Variants in CRPPA observed in about 807,000 individuals in gnomAD.
CRPPA encodes D-ribitol-5-phosphate cytidylyltransferase.
In CRPPA, 43 loss-of-function variants were observed where a neutral mutation model predicts 52.0. The observed-to-expected ratio is 0.83, with a 90% confidence interval of 0.65 to 1.07. CRPPA has a LOEUF of 1.07. Ranked by LOEUF, CRPPA falls within the 50% of genes least tolerant of loss-of-function variation. The pLI is 0.00. For missense variants in CRPPA, 629 were observed against 551.7 expected (o/e 1.14, Z -1.40); for synonymous variants, 250 against 203.5 (o/e 1.23, Z -1.94).
intron 3 of CRPPA, among the ~76,000 whole-genome samples, chr7:16,314,179 T>C (rs1322320187): frequency 6.6e-6 from 1 of 150,464 alleles, no homozygotes; most frequent in Non-Finnish European, 1.5e-5. Flanking sequence ...ATAAGGATGG[T>C]CTGTTGTTAG....
chr7:16,254,480 T>C (rs933631433), intron 8 of CRPPA, among the ~76,000 whole-genome samples: 1 of 151,842 alleles, frequency 6.6e-6, no homozygotes, highest in Non-Finnish European at 1.5e-5. Flanking sequence ...GAGCAAACTA[T>C]TGCAAGGACA....
chr7:16,308,098 TC>T (rs1305655493), intron 4 of CRPPA, among the ~76,000 whole-genome samples: 9 of 152,014 alleles, frequency 5.9e-5, no homozygotes, highest in African/African-American at 1.9e-4. Context: ...GTCTCACTCC[TC>T]CTTTGCTTTC....
intron 3 of CRPPA, among the ~76,000 whole-genome samples, chr7:16,314,850 C>A (rs1785110314): frequency 6.6e-6 from 1 of 151,928 alleles, no homozygotes; most frequent in Admixed American, 6.6e-5. Context: ...GTATAATATG[C>A]TTAGGTGTAG....
chr7:16,235,131 T>C (rs562554143), intron 8 of CRPPA, among the ~76,000 whole-genome samples: 1 of 152,048 alleles, frequency 6.6e-6, no homozygotes, highest in Non-Finnish European at 1.5e-5. Context: ...TTGGTAAATT[T>C]ATACTAGCAA....
chr7:16,106,751 A>T (rs1782160565), intron 9 of CRPPA, among the ~76,000 whole-genome samples: 1 of 152,208 alleles, frequency 6.6e-6, no homozygotes, highest in Non-Finnish European at 1.5e-5. Context: ...GGGAATCGTG[A>T]CACCTCTAAA....
chr7:16,354,165 C>T (rs904366843), intron 3 of CRPPA, among the ~76,000 whole-genome samples: 2 of 152,014 alleles, frequency 1.3e-5, no homozygotes, highest in Admixed American at 1.3e-4. Context: ...TTGATTGTGA[C>T]AATATTCTCT....
Position 16,390,355 on chromosome 7 carries a change from G to T in CRPPA, c.535-14114C>A, listed in dbSNP as rs573266939. 7.9e-5 allele frequency among the ~76,000 whole-genome samples: 12 copies of T among 152,082 alleles called. No homozygotes were observed. In the South Asian group the frequency reaches 1.0e-3, roughly 13 times the overall value. On this transcript the variant is annotated intron_variant, in intron 2 of 9. Transcript: ENST00000407010. ...GCCCAACTCTGAATTATCTGTATAA[G>T]AGCACATCTCCAATTTCTGTCTTCC...
At chr7:16,171,708 G>A (rs1358455978) in intron 9 of CRPPA, among the ~76,000 whole-genome samples, 1 of 152,192 alleles carries the variant, frequency 6.6e-6, no homozygotes, top group African/African-American at 2.4e-5. Flanking sequence ...CAGGAGAACT[G>A]CGTGAACCCA....
intron 9 of CRPPA, among the ~76,000 whole-genome samples, chr7:16,178,491 G>A (rs1442030172): frequency 6.6e-6 from 1 of 152,038 alleles, no homozygotes; most frequent in African/African-American, 2.4e-5. Context: ...GAAATGGTGG[G>A]ATAAACCATG....
At chr7:16,416,295 G>A (rs1191599638) in intron 1 of CRPPA, among the ~76,000 whole-genome samples, 4 of 152,066 alleles carry the variant, frequency 2.6e-5, no homozygotes, top group African/African-American at 4.8e-5. Flanking sequence ...ATAAATGTTG[G>A]TAGGATAGCT....
intron 4 of CRPPA, among the ~76,000 whole-genome samples, chr7:16,302,667 A>G (rs1319584612): frequency 6.6e-6 from 1 of 152,166 alleles, no homozygotes; most frequent in African/African-American, 2.4e-5. Flanking sequence ...CAATCAAATA[A>G]AAGAGAGAAA....
chr7:16,237,034 T>G lies in CRPPA; in HGVS notation c.1120-20837A>C, dbSNP rs576704936. On this transcript the variant is annotated intron_variant, in intron 8 of 9. Transcript: ENST00000407010. ...TTTGCCAAAAAATCTGGGATCTTCA[T>G]CTGCCTATTCAACCTTAAAAAACAA... Among the ~76,000 whole-genome samples the G allele has an allele frequency of 5.3e-5, 8 of 152,234 alleles. No individual in the cohort carries two copies. The East Asian group carries it at 1.5e-3, about 29-fold the overall frequency.
At chr7:16,239,819 C>T (rs1454641551) in intron 8 of CRPPA, among the ~76,000 whole-genome samples, 1 of 152,076 alleles carries the variant, frequency 6.6e-6, no homozygotes, top group East Asian at 1.9e-4. Flanking sequence ...GACAAAACTA[C>T]TTAAAATAGG....
intron 1 of CRPPA, among the ~76,000 whole-genome samples, chr7:16,418,644 G>A (rs1562695181): frequency 6.6e-6 from 1 of 152,124 alleles, no homozygotes; most frequent in Admixed American, 6.5e-5. Context: ...AAAACTACCA[G>A]ATCTCATGAG....
chr7:16,312,596 C>A (rs959898851), intron 3 of CRPPA, among the ~76,000 whole-genome samples: 3 of 151,932 alleles, frequency 2.0e-5, no homozygotes, highest in African/African-American at 7.2e-5. Context: ...ATTTCCTTCT[C>A]TTATTAGCTG....
At chr7:16,206,056 T>C (rs1781965522) in intron 9 of CRPPA, among the ~76,000 whole-genome samples, 2 of 152,104 alleles carry the variant, frequency 1.3e-5, no homozygotes, top group South Asian at 4.1e-4. Context: ...GAAAGGCAAC[T>C]AGAAATAAAT....
Position 16,252,546 on chromosome 7 carries a change from G to A in CRPPA, c.1119+5844C>T, listed in dbSNP as rs191257953. Reference sequence around the variant, plus strand: ...GGATTTTTGCATCGTTGTTCATCACGGATATTGGTCTAAATTTCTCTTTTT... The same window carrying A: ...GGATTTTTGCATCGTTGTTCATCACAGATATTGGTCTAAATTTCTCTTTTT... On this transcript the variant is annotated intron_variant, in intron 8 of 9. Transcript: ENST00000407010. 6.6e-5 allele frequency among the ~76,000 whole-genome samples: 10 copies of A among 152,232 alleles called. No homozygotes were observed. The East Asian group carries it at 1.5e-3, about 23-fold the overall frequency.
intron 8 of CRPPA, among the ~76,000 whole-genome samples, chr7:16,226,547 C>A (rs1159518296): frequency 1.3e-5 from 2 of 151,694 alleles, no homozygotes. Flanking sequence ...TAGACATTAG[C>A]CATATACTGT....
intron 3 of CRPPA, among the ~76,000 whole-genome samples, chr7:16,316,560 C>G (rs1266738049): frequency 6.6e-6 from 1 of 151,960 alleles, no homozygotes; most frequent in Non-Finnish European, 1.5e-5. Flanking sequence ...AGTTACAGAT[C>G]ATTTAAAATT....
Sources: gnomAD v4.1 joint callset for allele counts (sites outside exome capture counted in the v4.1 genomes callset) on GRCh38, gnomAD v4.1.1 for gene constraint, MANE v1.5 for transcripts, NCBI Gene and HGNC (gene_info 2026-07-23, HGNC 2026-07-21) for gene names.